CNNM2: variants seen among roughly 807,000 people sequenced by gnomAD.
The protein encoded by CNNM2 is metal transporter CNNM2.
In CNNM2, 12 loss-of-function variants were observed where a neutral mutation model predicts 66.9. The ratio of observed to expected loss-of-function variants is 0.18; its 90% CI spans 0.11 to 0.29. CNNM2 has a LOEUF of 0.29. Ranked by LOEUF, CNNM2 falls within the 10% of genes least tolerant of loss-of-function variation. The pLI, the probability that CNNM2 is intolerant of heterozygous loss-of-function variation, is 1.00. For missense variants in CNNM2, 705 were observed against 1,167.7 expected (o/e 0.60, Z 5.77); for synonymous variants, 557 against 501.8 (o/e 1.11, Z -1.47).
chr10:102,995,171 C>CCCT (rs2063970664), intron 1 of CNNM2, among the ~76,000 whole-genome samples: 1 of 1,954 alleles, frequency 5.1e-4, no homozygotes. Context: ...CTCCTCCTCC[C>CCCT]CCTCTTCCTC....
intron 1 of CNNM2, among the ~76,000 whole-genome samples, chr10:102,983,007 G>A (rs914930974): frequency 1.3e-5 from 2 of 152,148 alleles, no homozygotes; most frequent in Admixed American, 6.6e-5. Flanking sequence ...ACTCTATGGT[G>A]TTTAGTTCTA....
At chr10:103,075,549 G>A (rs945668396) in intron 6 of CNNM2, among the ~76,000 whole-genome samples, 3 of 152,174 alleles carry the variant, frequency 2.0e-5, no homozygotes, top group Non-Finnish European at 4.4e-5. Context: ...GCTACCTGAT[G>A]GGGGATTTTA....
At chr10:102,952,022 C>T (rs1318023527) in intron 1 of CNNM2, among the ~76,000 whole-genome samples, 1 of 151,990 alleles carries the variant, frequency 6.6e-6, no homozygotes, top group Admixed American at 6.5e-5. Flanking sequence ...AGGCTGGTCT[C>T]GAGCTCCCGA....
intron 4 of CNNM2, among the ~76,000 whole-genome samples, chr10:103,061,123 G>A (rs897448385): frequency 1.4e-4 from 21 of 152,148 alleles, no homozygotes; most frequent in African/African-American, 4.6e-4. Context: ...CTGGCCGGGC[G>A]TGGTGGCTTG....
chr10:103,045,793 A>G (rs2065118848), intron 1 of CNNM2, among the ~76,000 whole-genome samples: 1 of 152,162 alleles, frequency 6.6e-6, no homozygotes, highest in Non-Finnish European at 1.5e-5. Flanking sequence ...TGAGATTGAA[A>G]TGCATCTTTT....
intron 1 of CNNM2, among the ~76,000 whole-genome samples, chr10:102,993,959 CAG>C (rs1466773071): frequency 6.6e-6 from 1 of 151,972 alleles, no homozygotes; most frequent in Admixed American, 6.6e-5. Flanking sequence ...GTGAGTGTGA[CAG>C]AGTCTTACTC....
intron 4 of CNNM2, among the ~76,000 whole-genome samples, chr10:103,066,590 C>G (rs1034850294): frequency 2.0e-5 from 3 of 152,244 alleles, no homozygotes; most frequent in African/African-American, 7.2e-5. Context: ...GCCTGGCCGG[C>G]CGCTGCCGCC....
At chr10:103,019,852 CT>C (rs1165486965) in intron 1 of CNNM2, among the ~76,000 whole-genome samples, 1 of 152,080 alleles carries the variant, frequency 6.6e-6, no homozygotes, top group African/African-American at 2.4e-5. Context: ...TATGAAGAGA[CT>C]TTCAAGACTT....
At chr10:102,957,688 G>C (rs983522742) in intron 1 of CNNM2, among the ~76,000 whole-genome samples, 1 of 152,122 alleles carries the variant, frequency 6.6e-6, no homozygotes, top group Non-Finnish European at 1.5e-5. Flanking sequence ...TTGGAATTAA[G>C]CCCTAATAGG....
chr10:103,008,069 C>A (rs1428535486), intron 1 of CNNM2, among the ~76,000 whole-genome samples: 1 of 152,100 alleles, frequency 6.6e-6, no homozygotes, highest in African/African-American at 2.4e-5. Context: ...CTCCTAAATC[C>A]CACTGAGTAG....
intron 1 of CNNM2, among the ~76,000 whole-genome samples, chr10:102,983,716 C>T (rs982827634): frequency 3.3e-5 from 5 of 152,016 alleles, no homozygotes; most frequent in Admixed American, 3.3e-4. Context: ...GCTGGGATTA[C>T]AGGCATGAGC....
At chr10:102,933,794 C>G (rs924577467) in intron 1 of CNNM2, among the ~76,000 whole-genome samples, 1 of 151,986 alleles carries the variant, frequency 6.6e-6, no homozygotes, top group African/African-American at 2.4e-5. Flanking sequence ...CAGGAAGAAA[C>G]GGATATGGAA....
intron 1 of CNNM2, among the ~76,000 whole-genome samples, chr10:102,956,114 C>T (rs545503490): frequency 5.9e-4 from 90 of 152,166 alleles, no homozygotes; most frequent in African/African-American, 2.1e-3. Context: ...GGTGAAACTC[C>T]GTCTCTACTA....
chr10:102,955,733 T>C (rs1289190994), intron 1 of CNNM2, among the ~76,000 whole-genome samples: 1 of 152,194 alleles, frequency 6.6e-6, no homozygotes, highest in Non-Finnish European at 1.5e-5. Flanking sequence ...CAGACACTTC[T>C]CAAAAGAAGA....
Position 103,077,479 on chromosome 10 carries a change from T to G in CNNM2, c.*299T>G. ...CTCTCCCTTTTATCATTATTCACAC[T>G]CCTCTGCCCTCGATTTGCATGAAGT... On this transcript the variant is annotated 3_prime_UTR_variant, in exon 8 of 8. Transcript: ENST00000369878. 2.6e-6 allele frequency: 1 copy of G among 377,870 alleles called. No individual in the cohort carries two copies. The highest frequency in any genetic ancestry group is 4.1e-5 in the Admixed American group (1 of 24,444). 23.4% of individuals were successfully genotyped at this position (377,870 alleles called of 1,614,324 possible). A position where few individuals can be genotyped will look rare whatever the true frequency, so the allele number is the denominator to read the frequency against.
chr10:103,081,622 G>A lies in CNNM2; in HGVS notation c.*4442G>A, dbSNP rs1341927474. On this transcript the variant is annotated 3_prime_UTR_variant, in exon 8 of 8. Coordinates refer to ENST00000369878, the MANE Select transcript of CNNM2 (RefSeq NM_017649.5). Reference sequence around the variant, plus strand: ...TCTAAGTTGAGGTTCATTTGCCTCCGTTTGAGGGGTGAGTGGTGCACCAAT... The same window carrying A: ...TCTAAGTTGAGGTTCATTTGCCTCCATTTGAGGGGTGAGTGGTGCACCAAT... The A allele has an allele frequency of 2.0e-5, 3 of 152,196 alleles. No homozygotes were observed. Among genetic ancestry groups the A allele is most frequent in the Admixed American group, 1.3e-4 (2 of 15,286 alleles). The allele number at this position is 152,196 out of a possible 1,614,324, so 9.4% of individuals were successfully genotyped here. A position where few individuals can be genotyped will look rare whatever the true frequency, so the allele number is the denominator to read the frequency against.
chr10:103,043,545 A>T (rs901787802), intron 1 of CNNM2, among the ~76,000 whole-genome samples: 2 of 152,246 alleles, frequency 1.3e-5, no homozygotes, highest in African/African-American at 4.8e-5. Flanking sequence ...AGGTTAAAAG[A>T]TGCAAATGTG....
At chr10:103,004,222 C>T (rs1311335650) in intron 1 of CNNM2, among the ~76,000 whole-genome samples, 2 of 151,844 alleles carry the variant, frequency 1.3e-5, no homozygotes, top group African/African-American at 4.8e-5. Flanking sequence ...AGGTTGGTCT[C>T]GAACTCCCGA....
chr10:102,931,434 G>A (rs1366716481), intron 1 of CNNM2, among the ~76,000 whole-genome samples: 3 of 142,808 alleles, frequency 2.1e-5, no homozygotes, highest in East Asian at 2.1e-4. Context: ...TCACCTCACC[G>A]CAACCTCCGC....
Sources: gnomAD v4.1 joint callset for allele counts (sites outside exome capture counted in the v4.1 genomes callset) on GRCh38, gnomAD v4.1.1 for gene constraint, MANE v1.5 for transcripts, NCBI Gene and HGNC (gene_info 2026-07-23, HGNC 2026-07-21) for gene names.